TMEM181: variants seen among roughly 807,000 people sequenced by gnomAD.
TMEM181 encodes G protein-coupled receptor 178.
A neutral mutation model predicts 71.9 loss-of-function variants in TMEM181; 39 were observed. That is an observed-to-expected ratio of 0.54 (90% CI 0.42 to 0.71). The LOEUF (loss-of-function observed/expected upper bound fraction) is 0.71, where lower values mean the gene tolerates loss of function less well. TMEM181 is among the 30% of genes least tolerant of loss of function. The pLI, the probability that TMEM181 is intolerant of heterozygous loss-of-function variation, is 0.00. For missense variants in TMEM181, 595 were observed against 583.0 expected (o/e 1.02, Z -0.21); for synonymous variants, 245 against 228.8 (o/e 1.07, Z -0.64).
upstream of TMEM181, among the ~76,000 whole-genome samples, chr6:158,556,573 C>A (rs1781894688): frequency 6.6e-6 from 1 of 152,168 alleles, no homozygotes; most frequent in South Asian, 2.1e-4. Flanking sequence ...ACAAGGATCA[C>A]TCACAAGGGG....
At chr6:158,604,544 G>A (rs551117347) in intron 6 of TMEM181, among the ~76,000 whole-genome samples, 1 of 152,312 alleles carries the variant, frequency 6.6e-6, no homozygotes, top group African/African-American at 2.4e-5. Flanking sequence ...GCTGTCAGCA[G>A]CAGTGCCCCT....
chr6:158,572,510 CA>C (rs1384569668), intron 1 of TMEM181: 1 of 456,352 alleles, frequency 2.2e-6, no homozygotes, highest in Non-Finnish European at 4.4e-6. Context: ...GGGGGCCGGC[CA>C]CACCCCTTTT....
intron 1 of TMEM181, among the ~76,000 whole-genome samples, chr6:158,566,193 CAT>C (rs1210771444): frequency 2.0e-5 from 3 of 151,962 alleles, no homozygotes; most frequent in Non-Finnish European, 2.9e-5. Flanking sequence ...TGAGGCAGGT[CAT>C]GTGTGAGGTA....
intron 1 of TMEM181, among the ~76,000 whole-genome samples, chr6:158,570,921 T>G (rs1782770049): frequency 7.8e-6 from 1 of 128,556 alleles, no homozygotes; most frequent in African/African-American, 3.2e-5. Flanking sequence ...GTTAGGTTGG[T>G]TTTTTTTTTT....
At chr6:158,599,686 G>A (rs1455048912) in intron 6 of TMEM181, among the ~76,000 whole-genome samples, 2 of 152,200 alleles carry the variant, frequency 1.3e-5, no homozygotes, top group African/African-American at 4.8e-5. Context: ...GCACTGGCTG[G>A]GCTTGCTCCT....
rs186264397 is a variant in TMEM181 at position 158,614,433 on chromosome 6, A to G, written c.896+5683A>G. On this transcript the variant is annotated intron_variant, in intron 10 of 16. Coordinates refer to ENST00000684151, the MANE Select transcript of TMEM181 (RefSeq NM_001376852.1). ...AATTTTATCCTTGCATTCGTTTGCTATTAATATTAACCCTAATTTTTAATG... is the reference window on the plus strand; with the variant it reads ...AATTTTATCCTTGCATTCGTTTGCTGTTAATATTAACCCTAATTTTTAATG... Among the ~76,000 whole-genome samples the G allele has an allele frequency of 4.6e-5, 7 of 152,260 alleles. No homozygotes were observed. In the East Asian group the frequency reaches 1.4e-3, roughly 29 times the overall value.
Position 158,584,024 on chromosome 6 carries a change from T to C in TMEM181, c.239T>C (p.Val80Ala). The C allele has an allele frequency of 5.6e-6, 9 of 1,611,882 alleles. No individual in the cohort carries two copies. Among genetic ancestry groups the C allele is most frequent in the Non-Finnish European group, 6.8e-6 (8 of 1,178,798 alleles). ...CAGCAACTATGGCTGACATGTGTTG[T>C]TGAGTTGGATCAATCAAAAGGTATG... ...YNQQLWLTCV[V>A]ELDQSKETSI... is the part of the protein sequence containing the mutation. Residue 80 changes from valine to alanine, a missense_variant, in exon 4 of 17, where the codon GTT becomes GCT. Coordinates refer to ENST00000684151, the MANE Select transcript of TMEM181 (RefSeq NM_001376852.1).
chr6:158,564,981 G>A (rs546952646), intron 1 of TMEM181, among the ~76,000 whole-genome samples: 1 of 152,164 alleles, frequency 6.6e-6, no homozygotes, highest in Non-Finnish European at 1.5e-5. Flanking sequence ...AGAAGTTCTC[G>A]GTCTTACCCG....
At chr6:158,545,155 C>T (rs1781487399) in intron 1 of TMEM181, among the ~76,000 whole-genome samples, 2 of 152,354 alleles carry the variant, frequency 1.3e-5, no homozygotes, top group African/African-American at 2.4e-5. Flanking sequence ...CTACTCCGAA[C>T]GTTTCTGCAC....
At chr6:158,609,431 C>T (rs1000481955) in intron 10 of TMEM181, among the ~76,000 whole-genome samples, 4 of 152,140 alleles carry the variant, frequency 2.6e-5, no homozygotes, top group Non-Finnish European at 4.4e-5. Context: ...ATGTCACACT[C>T]CTTCTTTGCT....
intron 8 of TMEM181, among the ~76,000 whole-genome samples, chr6:158,607,561 T>G (rs1562304581): frequency 6.6e-6 from 1 of 152,064 alleles, no homozygotes; most frequent in Admixed American, 6.5e-5. Flanking sequence ...TCCCAACTGC[T>G]TGGGAGGCTG....
intron 6 of TMEM181, among the ~76,000 whole-genome samples, chr6:158,591,128 A>AT (rs544922665): frequency 6.6e-5 from 10 of 152,098 alleles, no homozygotes; most frequent in East Asian, 3.9e-4. Context: ...GGTTGTTTCC[A>AT]TTTTTTTGGC....
At chr6:158,627,936 C>T (rs1786420821) in intron 13 of TMEM181, among the ~76,000 whole-genome samples, 2 of 152,158 alleles carry the variant, frequency 1.3e-5, no homozygotes, top group African/African-American at 2.4e-5. Context: ...AAGATGTTGC[C>T]TTCGCTGCTG....
At chr6:158,597,635 G>T (rs993161642) in intron 6 of TMEM181, among the ~76,000 whole-genome samples, 1 of 152,072 alleles carries the variant, frequency 6.6e-6, no homozygotes, top group Non-Finnish European at 1.5e-5. Context: ...TGAGTAGCTG[G>T]AACCAGACAG....
intron 3 of TMEM181, among the ~76,000 whole-genome samples, chr6:158,582,444 C>T (rs1393302394): frequency 2.6e-5 from 4 of 152,108 alleles, no homozygotes; most frequent in African/African-American, 9.7e-5. Flanking sequence ...AGTATTAAGA[C>T]ACAAAAACAC....
intron 2 of TMEM181, among the ~76,000 whole-genome samples, chr6:158,578,236 A>C (rs1783273132): frequency 6.6e-6 from 1 of 152,226 alleles, no homozygotes; most frequent in Non-Finnish European, 1.5e-5. Flanking sequence ...GTATTGCTGA[A>C]GTGAGTCCTG....
At chr6:158,561,425 C>T (rs1436403422) in intron 1 of TMEM181, among the ~76,000 whole-genome samples, 1 of 152,190 alleles carries the variant, frequency 6.6e-6, no homozygotes, top group Admixed American at 6.5e-5. Context: ...GATTCTTGTG[C>T]GGCCTATGTA....
chr6:158,619,116 A>G (rs1334138397), intron 10 of TMEM181, among the ~76,000 whole-genome samples: 1 of 152,146 alleles, frequency 6.6e-6, no homozygotes, highest in Non-Finnish European at 1.5e-5. Context: ...TCTCTCTGTC[A>G]CTTTCAGATA....
chr6:158,571,288 G>A (rs1041094084), intron 1 of TMEM181, among the ~76,000 whole-genome samples: 9 of 148,982 alleles, frequency 6.0e-5, no homozygotes, highest in East Asian at 2.0e-4. Context: ...TAGTAAAGAC[G>A]GGGTTTCACC....
Sources: allele counts gnomAD v4.1 joint callset (sites outside exome capture counted in the v4.1 genomes callset), GRCh38; gene constraint gnomAD v4.1.1; transcripts MANE v1.5; gene names NCBI Gene and HGNC (gene_info 2026-07-23, HGNC 2026-07-21).